Variants in CHLSN observed in about 807,000 individuals in gnomAD.
CHLSN encodes the protein protein cholesin.
the CHLSN span, among the ~76,000 whole-genome samples, chr7:1,048,565 G>T: frequency 6.6e-6 from 1 of 152,052 alleles, no homozygotes; most frequent in Admixed American, 6.6e-5. Flanking sequence ...CATTTCTATT[G>T]GGAAACCCTA....
chr7:1,007,150 A>C, the CHLSN span, among the ~76,000 whole-genome samples: 6 of 152,034 alleles, frequency 3.9e-5, no homozygotes, highest in African/African-American at 9.7e-5. Context: ...GATGAGAGGA[A>C]ACTCTCCACC....
the CHLSN span, among the ~76,000 whole-genome samples, chr7:981,147 T>C: frequency 6.6e-6 from 1 of 151,010 alleles, no homozygotes; most frequent in Non-Finnish European, 1.5e-5. Context: ...AATACAAAAA[T>C]TAGCTGAGTG....
chr7:1,004,407 C>T, the CHLSN span, among the ~76,000 whole-genome samples: 2 of 152,200 alleles, frequency 1.3e-5, no homozygotes, highest in East Asian at 1.9e-4. Context: ...CCAGAGCCCA[C>T]GCACGGTGAG....
the CHLSN span, chr7:989,728 C>G: frequency 9.4e-4 from 159 of 168,442 alleles, 2 homozygotes; most frequent in South Asian, 8.8e-4. Context: ...TGCAGTGAGC[C>G]GAGTTCGCAC....
At chr7:1,009,941 G>T in the CHLSN span, 1 of 1,537,020 alleles carries the variant, frequency 6.5e-7, no homozygotes, top group Non-Finnish European at 8.7e-7. Context: ...GTGGGGCAGG[G>T]CCGCTCACCT....
the CHLSN span, among the ~76,000 whole-genome samples, chr7:1,069,478 G>A: frequency 7.1e-6 from 1 of 141,286 alleles, no homozygotes; most frequent in Non-Finnish European, 1.5e-5. Context: ...TCCTGCCTCA[G>A]CCTGCCGAGT....
chr7:1,116,477 A>AC, the CHLSN span, among the ~76,000 whole-genome samples: 428 of 89,034 alleles, frequency 4.8e-3, 3 homozygotes, highest in African/African-American at 0.01. Context: ...CTGCAGTTCT[A>AC]GGACCAGCTT....
the CHLSN span, among the ~76,000 whole-genome samples, chr7:1,078,624 A>ACGAC: frequency 6.6e-6 from 1 of 152,158 alleles, no homozygotes; most frequent in Admixed American, 6.5e-5. Flanking sequence ...CAAGATGCTC[A>ACGAC]CGACAGGGCC....
the CHLSN span, among the ~76,000 whole-genome samples, chr7:1,099,606 G>A: frequency 5.3e-5 from 8 of 152,178 alleles, no homozygotes; most frequent in African/African-American, 1.9e-4. Flanking sequence ...AAAAATGGAG[G>A]AAAAGAGCGT....
chr7:1,083,478 A>G, the CHLSN span, among the ~76,000 whole-genome samples: 2 of 151,940 alleles, frequency 1.3e-5, no homozygotes, highest in Non-Finnish European at 2.9e-5. Flanking sequence ...AATACAAAAA[A>G]TTAGCCGGGC....
the CHLSN span, among the ~76,000 whole-genome samples, chr7:1,027,287 C>A: frequency 8.5e-5 from 13 of 152,360 alleles, no homozygotes; most frequent in East Asian, 2.1e-3. Context: ...GCAAAGGACT[C>A]TGAAGCAACG....
At chr7:1,069,362 CT>C in the CHLSN span, among the ~76,000 whole-genome samples, 1 of 145,162 alleles carries the variant, frequency 6.9e-6, no homozygotes, top group Non-Finnish European at 1.6e-5. Context: ...CCTCTCCCCT[CT>C]CCCCTCTCCC....
the CHLSN span, among the ~76,000 whole-genome samples, chr7:1,100,556 G>A: frequency 2.0e-5 from 3 of 152,188 alleles, no homozygotes; most frequent in Non-Finnish European, 4.4e-5. Context: ...TGGGCCGTGC[G>A]CCCTCAAGAA....
At chr7:1,135,279 A>G in the CHLSN span, among the ~76,000 whole-genome samples, 1 of 151,986 alleles carries the variant, frequency 6.6e-6, no homozygotes, top group Non-Finnish European at 1.5e-5. Flanking sequence ...ACAGTCTCTT[A>G]TTAACCCTCT....
the CHLSN span, chr7:1,010,091 T>G: frequency 6.2e-7 from 1 of 1,612,844 alleles, no homozygotes; most frequent in Non-Finnish European, 8.5e-7. Flanking sequence ...CCTCTGCTCC[T>G]CTGGGGACAG....
the CHLSN span, chr7:983,249 G>T: frequency 6.5e-7 from 1 of 1,533,536 alleles, no homozygotes; most frequent in East Asian, 2.5e-5. Flanking sequence ...GGCCTCCTGG[G>T]GCTCTGGGGG....
chr7:1,021,534 C>G, the CHLSN span: 4 of 985,328 alleles, frequency 4.1e-6, no homozygotes, highest in African/African-American at 7.0e-5. Context: ...GAGCACTGTC[C>G]ATCCACCGCA....
chr7:1,085,108 C>T, the CHLSN span, among the ~76,000 whole-genome samples: 1 of 152,242 alleles, frequency 6.6e-6, no homozygotes, highest in African/African-American at 2.4e-5. Flanking sequence ...CTCGGGAGGG[C>T]TCCTGAAGCT....
At chr7:1,027,341 G>A in the CHLSN span, among the ~76,000 whole-genome samples, 3 of 152,268 alleles carry the variant, frequency 2.0e-5, no homozygotes, top group Admixed American at 2.0e-4. Context: ...CCCAGCAGCA[G>A]GCTAGGCAGC....
Sources: gnomAD v4.1 joint callset for allele counts (sites outside exome capture counted in the v4.1 genomes callset) on GRCh38, gnomAD v4.1.1 for gene constraint, MANE v1.5 for transcripts, NCBI Gene and HGNC (gene_info 2026-07-23, HGNC 2026-07-21) for gene names.